ALG5: variants seen among roughly 807,000 people sequenced by gnomAD.
ALG5 encodes dolichyl-phosphate beta-glucosyltransferase.
Under a neutral mutation model 51.8 loss-of-function variants are expected in ALG5, and 26 were observed. That is an observed-to-expected ratio of 0.50 (90% confidence interval 0.37 to 0.70). The LOEUF (loss-of-function observed/expected upper bound fraction) is 0.70. ALG5 is among the 30% of genes least tolerant of loss of function. The pLI is 0.00. For synonymous variants in ALG5, 141 were observed against 136.1 expected, an observed-to-expected ratio of 1.04 and a Z score of -0.25; for missense variants, 311 against 399.3, an observed-to-expected ratio of 0.78 and a Z score of 1.88.
At chr13:36,971,645 T>A (rs1328805514) in intron 7 of ALG5, among the ~76,000 whole-genome samples, 1 of 25,846 alleles carries the variant, frequency 3.9e-5, no homozygotes, top group African/African-American at 1.6e-4. Context: ...GGAGACTCCG[T>A]CTCCAAAAAA....
At chr13:36,993,530 A>G (rs1043777162) in intron 4 of ALG5, 74 bp downstream of exon 4, 37 of 1,272,616 alleles carry the variant, frequency 2.9e-5, no homozygotes, top group Middle Eastern at 1.9e-4. Context: ...TGGTGAATGA[A>G]AGTGAGATTT....
intron 8 of ALG5, among the ~76,000 whole-genome samples, chr13:36,958,105 A>G (rs1189816756): frequency 6.6e-6 from 1 of 151,980 alleles, no homozygotes; most frequent in Admixed American, 6.5e-5. Flanking sequence ...ACCGTGAGGA[A>G]AGTAACTAGA....
intron 6 of ALG5, among the ~76,000 whole-genome samples, chr13:36,980,317 C>T (rs1052782908): frequency 1.3e-5 from 2 of 152,100 alleles, no homozygotes; most frequent in African/African-American, 4.8e-5. Flanking sequence ...TCACTGCAAC[C>T]TCTGCCTCCC....
At chr13:36,988,955 C>G (rs1210899847) in intron 5 of ALG5, among the ~76,000 whole-genome samples, 1 of 152,220 alleles carries the variant, frequency 6.6e-6, no homozygotes, top group African/African-American at 2.4e-5. Context: ...CAGCTTGATT[C>G]ATAGCTGATA....
At chr13:36,986,549 G>T (rs921123577) in intron 5 of ALG5, among the ~76,000 whole-genome samples, 1 of 152,158 alleles carries the variant, frequency 6.6e-6, no homozygotes, top group African/African-American at 2.4e-5. Flanking sequence ...AATGTAGAGA[G>T]AAATCAGATC....
intron 6 of ALG5, among the ~76,000 whole-genome samples, chr13:36,983,204 T>C (rs999053430): frequency 6.6e-6 from 1 of 152,150 alleles, no homozygotes; most frequent in Non-Finnish European, 1.5e-5. Flanking sequence ...ATGCCCTCCC[T>C]CCCACTGAGT....
At chr13:36,972,946 C>T (rs1408278489) in intron 6 of ALG5, among the ~76,000 whole-genome samples, 11 of 142,118 alleles carry the variant, frequency 7.7e-5, no homozygotes, top group Non-Finnish European at 1.5e-4. Context: ...GAGCCGAGAT[C>T]ACACCACTGT....
At chr13:36,995,817 ATG>A (rs1288927692) in intron 1 of ALG5, among the ~76,000 whole-genome samples, 1 of 152,150 alleles carries the variant, frequency 6.6e-6, no homozygotes, top group African/African-American at 2.4e-5. Context: ...TAAGGTGCTG[ATG>A]CCTTAGGAGG....
intron 4 of ALG5, 82 bp downstream of exon 4, chr13:36,993,522 G>A: frequency 8.6e-7 from 1 of 1,169,174 alleles, no homozygotes; most frequent in Non-Finnish European, 1.3e-6. Flanking sequence ...GGGTCCCCTG[G>A]TGAATGAAAG....
At chr13:36,999,033 T>C in intron 1 of ALG5, 1 of 440,874 alleles carries the variant, frequency 2.3e-6, no homozygotes. Flanking sequence ...CACAAAGAGA[T>C]AAGATTCCAA....
rs1470425773 is a variant in ALG5, at chr13:36,972,027, C to A, written c.571G>T (p.Ala191Ser). The change falls in exon 7 of 10, where the codon GCT becomes TCT. Residue 191 changes from alanine (A) to serine (S), a missense_variant. By Grantham distance (99) the Ala-to-Ser change is moderately conservative. Coordinates refer to ENST00000239891, the MANE Select transcript of ALG5 (RefSeq NM_013338.5). ...TGAGCTCGAGATCCACATGCTATAGCCATTTGATTCTGAGGGAAAAAGCAG... is the reference window on the plus strand; with the variant it reads ...TGAGCTCGAGATCCACATGCTATAGACATTTGATTCTGAGGGAAAAAGCAG... The part of the protein sequence containing the change: ...NDLQPWPNQM[A>S]IACGSRAHLE... 3 of 1,594,250 alleles carry A rather than the reference C, an allele frequency of 1.9e-6. No individual in the cohort carries two copies. In the African/African-American group the frequency reaches 4.0e-5, roughly 21 times the overall value.
intron 6 of ALG5, among the ~76,000 whole-genome samples, chr13:36,980,132 T>C (rs1382566051): frequency 6.6e-6 from 1 of 152,160 alleles, no homozygotes; most frequent in Non-Finnish European, 1.5e-5. Context: ...AAATACACAC[T>C]TTTTAGCATT....
Position 36,972,723 on chromosome 13 carries a change from T to C in ALG5, c.562-687A>G, listed in dbSNP as rs576241031. Reference sequence around the variant, plus strand: ...AGTCAATGCTTCTGGCCGGGCGTGGTGGCTCACGCCTGTAATCGCAGCACT... The same window carrying C: ...AGTCAATGCTTCTGGCCGGGCGTGGCGGCTCACGCCTGTAATCGCAGCACT... On this transcript the variant is annotated intron_variant, in intron 6 of 9. Coordinates refer to ENST00000239891, the MANE Select transcript of ALG5 (RefSeq NM_013338.5). Among the ~76,000 whole-genome samples the C allele has an allele frequency of 6.9e-4, 105 of 152,294 alleles. 1 individual carries two copies. Among genetic ancestry groups the C allele is most frequent in the African/African-American group, 2.4e-3 (99 of 41,582 alleles).
At chr13:36,959,310 T>C (rs991201026) in intron 8 of ALG5, among the ~76,000 whole-genome samples, 9 of 152,156 alleles carry the variant, frequency 5.9e-5, no homozygotes, top group Admixed American at 3.9e-4. Context: ...TTATAGTTAA[T>C]AATAATGTGT....
chr13:36,965,843 A>G (rs1023514216), intron 7 of ALG5, 117 bp from the exon 8 acceptor site: 20 of 826,458 alleles, frequency 2.4e-5, no homozygotes, highest in Non-Finnish European at 3.7e-5. Flanking sequence ...GATCTTACAT[A>G]AGAACACCAC....
chr13:36,994,846 T>C (rs548675471), intron 3 of ALG5, 143 bp downstream of exon 3: 9 of 685,812 alleles, frequency 1.3e-5, no homozygotes, highest in South Asian at 1.3e-4. Flanking sequence ...GGCTTATGGA[T>C]AGCAACAAGC....
At chr13:36,983,721 T>C (rs2058989692) in intron 6 of ALG5, among the ~76,000 whole-genome samples, 1 of 152,130 alleles carries the variant, frequency 6.6e-6, no homozygotes, top group Admixed American at 6.5e-5. Flanking sequence ...TCTTTACAGC[T>C]AATTCTCTTA....
chr13:36,964,036 TTAAG>T (rs1392397909), intron 8 of ALG5, among the ~76,000 whole-genome samples: 9 of 152,214 alleles, frequency 5.9e-5, no homozygotes, highest in Admixed American at 3.9e-4. Flanking sequence ...AAAAGAAACA[TTAAG>T]TAATTACACA....
chr13:36,966,581 T>C (rs1162319756), intron 7 of ALG5, among the ~76,000 whole-genome samples: 1 of 152,172 alleles, frequency 6.6e-6, no homozygotes, highest in Admixed American at 6.5e-5. Flanking sequence ...GTGGTCATGG[T>C]TCACTGCAGC....
Sources: allele counts gnomAD v4.1 joint callset (sites outside exome capture counted in the v4.1 genomes callset), GRCh38; gene constraint gnomAD v4.1.1; transcripts MANE v1.5; gene names NCBI Gene and HGNC (gene_info 2026-07-23, HGNC 2026-07-21).